The following SUSD4 variants were observed in gnomAD, a reference collection of about 807,000 sequenced individuals.
The protein encoded by SUSD4 is sushi domain-containing protein 4.
Under a neutral mutation model 50.5 loss-of-function variants are expected in SUSD4, and 41 were observed. That is an observed-to-expected ratio of 0.81 (90% CI 0.63 to 1.05). SUSD4 has a LOEUF of 1.05. Among genes scored for constraint, SUSD4 ranks in the 50% least tolerant of loss-of-function variants. The pLI, the probability that SUSD4 is intolerant of heterozygous loss-of-function variation, is 0.00. For missense variants in SUSD4, 580 were observed against 634.7 expected, an observed-to-expected ratio of 0.91 and a Z score of 0.93; for synonymous variants, 257 against 257.3, an observed-to-expected ratio of 1.00 and a Z score of 0.01.
At chr1:223,358,984 C>T (rs17539887) in intron 2 of SUSD4, 8,819 of 450,194 alleles carry the variant, frequency 0.02, 142 homozygotes, top group Non-Finnish European at 0.029. Context: ...CATCTGTTTC[C>T]ACCTGCTGGC....
intron 2 of SUSD4, among the ~76,000 whole-genome samples, chr1:223,297,195 G>A (rs1399926795): frequency 2.0e-5 from 3 of 152,210 alleles, no homozygotes; most frequent in Admixed American, 6.5e-5. Context: ...GACTGTCCCT[G>A]GGTAGGAAGC....
At chr1:223,241,948 G>A (rs555570439) in intron 5 of SUSD4, among the ~76,000 whole-genome samples, 3 of 152,206 alleles carry the variant, frequency 2.0e-5, no homozygotes, top group Admixed American at 6.5e-5. Flanking sequence ...ATTAGAGTAT[G>A]TATGTATGTA....
At chr1:223,226,921 G>C (rs1219406556) in intron 7 of SUSD4, among the ~76,000 whole-genome samples, 1 of 152,160 alleles carries the variant, frequency 6.6e-6, no homozygotes, top group Non-Finnish European at 1.5e-5. Flanking sequence ...GCCAGCAGTA[G>C]TGCTGGGTGG....
rs1164850771 is a variant in SUSD4, at chr1:223,227,089, C to T, written c.1061+505G>A. Among the ~76,000 whole-genome samples, 1 of 152,220 alleles carries T rather than the reference C, an allele frequency of 6.6e-6. No individual in the cohort carries two copies. The highest frequency in any genetic ancestry group is 1.5e-5 in the Non-Finnish European group (1 of 68,044). ...GGTTCAGATAAGACTTCATGGTAGACTCTCACTAGCCCTTTCCTGATTGCT... is the reference window on the plus strand; with the variant it reads ...GGTTCAGATAAGACTTCATGGTAGATTCTCACTAGCCCTTTCCTGATTGCT... On this transcript the variant is annotated intron_variant, in intron 7 of 8. Transcript: ENST00000366878. The surrounding 1 kb of genome is among the most constrained non-coding windows in gnomAD (Gnocchi z 4.5).
At position 223,350,489 on chromosome 1, in the gene SUSD4, C is replaced by T. The variant is rs191122201; in HGVS notation, c.148+12789G>A. On this transcript the variant is annotated intron_variant, in intron 2 of 8. Coordinates refer to ENST00000366878, the MANE Select transcript of SUSD4 (RefSeq NM_017982.4). ...TGTCACTCCCAAGAGAGGGGCAAGG[C>T]GCAAGTCAAGGCCAGACATCAATCC... Among the ~76,000 whole-genome samples the T allele has an allele frequency of 3.9e-5, 6 of 152,298 alleles. No homozygotes were observed. The East Asian group carries it at 1.2e-3, about 29-fold the overall frequency.
chr1:223,253,035 G>A (rs557392459), intron 5 of SUSD4, among the ~76,000 whole-genome samples: 1 of 151,638 alleles, frequency 6.6e-6, no homozygotes, highest in Non-Finnish European at 1.5e-5. Flanking sequence ...AGGTTGCAGT[G>A]AGCCGAGATT....
intron 5 of SUSD4, among the ~76,000 whole-genome samples, chr1:223,259,206 G>C (rs890838928): frequency 6.6e-6 from 1 of 152,160 alleles, no homozygotes; most frequent in Admixed American, 6.5e-5. Flanking sequence ...ACACCTCAGA[G>C]GCACTTACGT....
At chr1:223,223,680 G>A in intron 7 of SUSD4, 49 bp from the exon 8 acceptor site, 1 of 1,537,992 alleles carries the variant, frequency 6.5e-7, no homozygotes, top group Non-Finnish European at 8.8e-7. Context: ...GCCACTCTGG[G>A]GATGAGGCCA....
intron 2 of SUSD4, among the ~76,000 whole-genome samples, chr1:223,315,070 T>A (rs976062110): frequency 6.6e-6 from 1 of 152,268 alleles, no homozygotes; most frequent in Non-Finnish European, 1.5e-5. Context: ...TGCAAAATGA[T>A]GACAGTAGAA....
At chr1:223,255,527 A>G (rs1387056014) in intron 5 of SUSD4, among the ~76,000 whole-genome samples, 12 of 152,184 alleles carry the variant, frequency 7.9e-5, no homozygotes. Context: ...GTAAATATAT[A>G]AAACAGAGCC....
In SUSD4 at chr1:223,255,531, C is replaced by T. The variant is rs76553882; in HGVS notation, c.724+9099G>A. On this transcript the variant is annotated intron_variant, in intron 5 of 8. Coordinates refer to ENST00000366878, the MANE Select transcript of SUSD4 (RefSeq NM_017982.4). ...GAACATAATATGTAAATATATAAAA[C>T]AGAGCCATTGGGGCTGGGGGAGCCT... Among the ~76,000 whole-genome samples, 964 of 152,220 alleles carry T rather than the reference C, an allele frequency of 6.3e-3. 11 individuals are homozygous for T. Among genetic ancestry groups the T allele is most frequent in the African/African-American group, 0.022 (906 of 41,524 alleles).
intron 3 of SUSD4, among the ~76,000 whole-genome samples, chr1:223,272,973 G>A (rs531769782): frequency 3.9e-5 from 6 of 152,298 alleles, no homozygotes; most frequent in Admixed American, 1.3e-4. Flanking sequence ...TCACTGCCAC[G>A]ATGAACACAT....
At chr1:223,295,839 T>TAAAA (rs202240339) in intron 2 of SUSD4, among the ~76,000 whole-genome samples, 1 of 116,774 alleles carries the variant, frequency 8.6e-6, no homozygotes, top group African/African-American at 3.1e-5. Context: ...ACTTAAAGTA[T>TAAAA]AAAAAAAAAA....
At chr1:223,252,403 C>G (rs1661395358) in intron 5 of SUSD4, among the ~76,000 whole-genome samples, 1 of 151,730 alleles carries the variant, frequency 6.6e-6, no homozygotes, top group South Asian at 2.1e-4. Context: ...GCAGCTGAAA[C>G]CAGGTTGGGG....
intron 8 of SUSD4, among the ~76,000 whole-genome samples, 158 bp from the exon 9 acceptor site, chr1:223,222,378 T>A (rs1026587268): frequency 6.6e-6 from 1 of 152,168 alleles, no homozygotes; most frequent in Non-Finnish European, 1.5e-5. Context: ...TAAATCAACC[T>A]CCTATACAAC....
At chr1:223,337,717 C>T (rs1328066478) in intron 2 of SUSD4, among the ~76,000 whole-genome samples, 2 of 152,178 alleles carry the variant, frequency 1.3e-5, no homozygotes, top group Admixed American at 6.5e-5. Flanking sequence ...GCATAGTCAC[C>T]GACTACATGG....
At chr1:223,258,379 TA>T (rs1206171867) in intron 5 of SUSD4, among the ~76,000 whole-genome samples, 1 of 152,194 alleles carries the variant, frequency 6.6e-6, no homozygotes, top group Admixed American at 6.5e-5. Flanking sequence ...CCTTTTCTTA[TA>T]AAAGGATACA....
chr1:223,272,793 A>T (rs182492531), intron 3 of SUSD4, among the ~76,000 whole-genome samples: 15 of 152,330 alleles, frequency 9.8e-5, no homozygotes, highest in Admixed American at 9.8e-4. Flanking sequence ...TTATTCATCC[A>T]GCTGTTCATT....
chr1:223,325,640 G>T (rs1311960414), intron 2 of SUSD4, among the ~76,000 whole-genome samples: 3 of 152,128 alleles, frequency 2.0e-5, no homozygotes, highest in African/African-American at 4.8e-5. Flanking sequence ...TCTTCCAAAA[G>T]ACTTCTAGAT....
Sources: gnomAD v4.1 joint callset for allele counts (sites outside exome capture counted in the v4.1 genomes callset) on GRCh38, gnomAD v4.1.1 for gene constraint, Gnocchi (gnomAD v3.1) non-coding constraint, MANE v1.5 for transcripts, NCBI Gene and HGNC (gene_info 2026-07-23, HGNC 2026-07-21) for gene names.